The following PPM1L variants were observed in gnomAD, a reference collection of about 807,000 sequenced individuals.
PPM1L encodes protein phosphatase 1L.
In PPM1L, 13 loss-of-function variants were observed where a neutral mutation model predicts 31.4. That is an observed-to-expected ratio of 0.41 (90% CI 0.27 to 0.66). The LOEUF (loss-of-function observed/expected upper bound fraction) is 0.66. Among genes scored for constraint, PPM1L ranks in the 30% least tolerant of loss-of-function variants. The pLI is 0.29. For missense variants in PPM1L, 326 were observed against 453.7 expected (o/e 0.72, Z 2.56); for synonymous variants, 184 against 175.4 (o/e 1.05, Z -0.39).
rs554208243 is a variant in PPM1L, at chr3:160,867,413, A to G, written c.400-94323A>G. ...CTTTTTTCAGATTTTAAGGACATGTATCTAAGTGTTCATCTGGGTTCTCTA... is the reference window on the plus strand; with the variant it reads ...CTTTTTTCAGATTTTAAGGACATGTGTCTAAGTGTTCATCTGGGTTCTCTA... On this transcript the variant is annotated intron_variant, in intron 1 of 3. Transcript: ENST00000498165. Among the ~76,000 whole-genome samples, 12 of 145,672 alleles carry G rather than the reference A, an allele frequency of 8.2e-5. No individual in the cohort carries two copies. In the South Asian group the frequency reaches 1.7e-3, roughly 21 times the overall value.
chr3:161,041,641 G>T (rs142987886), intron 2 of PPM1L, among the ~76,000 whole-genome samples: 1 of 152,044 alleles, frequency 6.6e-6, no homozygotes, highest in Admixed American at 6.6e-5. Flanking sequence ...CCAGCTACTC[G>T]GGAGGCTGAG....
chr3:160,945,113 TTATCTATC>T (rs58013795), intron 1 of PPM1L, among the ~76,000 whole-genome samples: 2,392 of 56,304 alleles, frequency 0.042, 135 homozygotes, highest in African/African-American at 0.089. Flanking sequence ...AACATATATG[TTATCTATC>T]TATCTATCTA....
At chr3:160,916,916 TTTTCTGCCAGTGAC>T (rs1714206064) in intron 1 of PPM1L, among the ~76,000 whole-genome samples, 1 of 152,196 alleles carries the variant, frequency 6.6e-6, no homozygotes, top group Non-Finnish European at 1.5e-5. Flanking sequence ...ATCAAACTCT[TTTTCTGCCAGTGAC>T]TTTAATTTTT....
rs1054728623 is a variant in PPM1L at position 160,842,170 on chromosome 3, G to T, written c.399+85463G>T. The stretch of plus-strand genomic sequence containing the variant: ...GTGCGTGCATCCTGAAATAGTTGGG[G>T]AGGACTCATGCAGGAGCTGGAACTT... On this transcript the variant is annotated intron_variant, in intron 1 of 3. Coordinates refer to ENST00000498165, the MANE Select transcript of PPM1L (RefSeq NM_139245.4). The T allele has an allele frequency of 4.4e-6, 3 of 683,772 alleles. No homozygotes were observed. In the East Asian group the frequency reaches 8.1e-5, roughly 18 times the overall value. 42.4% of individuals were successfully genotyped at this position (683,772 alleles called of 1,614,324 possible). A position where few individuals can be genotyped will look rare whatever the true frequency, so the allele number is the denominator to read the frequency against.
At chr3:160,845,166 G>T (rs571239265) in intron 1 of PPM1L, among the ~76,000 whole-genome samples, 1 of 152,080 alleles carries the variant, frequency 6.6e-6, no homozygotes, top group East Asian at 1.9e-4. Context: ...ATGGACATTT[G>T]ATTGTTCCCA....
chr3:160,879,069 G>A (rs1712615551), intron 1 of PPM1L, among the ~76,000 whole-genome samples: 1 of 152,146 alleles, frequency 6.6e-6, no homozygotes, highest in Non-Finnish European at 1.5e-5. Flanking sequence ...TGCCTTTTAT[G>A]CTTTGAATGT....
At chr3:160,901,229 G>C (rs1197080225) in intron 1 of PPM1L, among the ~76,000 whole-genome samples, 2 of 151,984 alleles carry the variant, frequency 1.3e-5, no homozygotes, top group African/African-American at 4.8e-5. Context: ...CTTTATATCT[G>C]AGACTTAACA....
At chr3:160,797,210 CATT>C (rs1712273911) in intron 1 of PPM1L, among the ~76,000 whole-genome samples, 1 of 152,070 alleles carries the variant, frequency 6.6e-6, no homozygotes, top group South Asian at 2.1e-4. Context: ...CAGACTTTTT[CATT>C]ATTATTATTA....
intron 1 of PPM1L, among the ~76,000 whole-genome samples, chr3:160,832,684 A>G (rs1713559674): frequency 1.3e-5 from 2 of 152,200 alleles, no homozygotes; most frequent in South Asian, 2.1e-4. Flanking sequence ...GATTAAAACT[A>G]GATATTAGCA....
intron 1 of PPM1L, among the ~76,000 whole-genome samples, chr3:160,930,044 G>A (rs1260144560): frequency 6.6e-6 from 1 of 152,178 alleles, no homozygotes; most frequent in South Asian, 2.1e-4. Flanking sequence ...TGTGAGAAGG[G>A]GGACACTGTG....
intron 1 of PPM1L, among the ~76,000 whole-genome samples, chr3:160,935,151 G>A (rs1348807759): frequency 6.6e-6 from 1 of 152,164 alleles, no homozygotes; most frequent in Non-Finnish European, 1.5e-5. Context: ...TGGCTGAGCT[G>A]CTTGGGACCA....
At chr3:160,848,563 C>T (rs1418724023) in intron 1 of PPM1L, among the ~76,000 whole-genome samples, 1 of 152,178 alleles carries the variant, frequency 6.6e-6, no homozygotes, top group Non-Finnish European at 1.5e-5. Flanking sequence ...TTAGTGTCCG[C>T]AGGTTCTATC....
At chr3:160,976,235 T>C (rs949969859) in intron 2 of PPM1L, among the ~76,000 whole-genome samples, 96 of 145,254 alleles carry the variant, frequency 6.6e-4, no homozygotes, top group African/African-American at 2.3e-3. Context: ...CACTTGATCA[T>C]GGTGGATAAG....
intron 1 of PPM1L, among the ~76,000 whole-genome samples, chr3:160,921,455 C>G (rs1001610508): frequency 6.6e-6 from 1 of 152,258 alleles, no homozygotes; most frequent in East Asian, 1.9e-4. Flanking sequence ...CTAGTTTCTT[C>G]TTTTTTATGT....
Position 161,065,656 on chromosome 3 carries a change from A to ATG in PPM1L, c.736+93_736+94dup. On this transcript the variant is annotated intron_variant, in intron 3 of 3. Coordinates refer to ENST00000498165, the MANE Select transcript of PPM1L (RefSeq NM_139245.4). ...GAGCTCCTGGATAAAATGTCCAGTT[A>ATG]TGCAGTATTAGAGAGGCTGCTACTG... The ATG allele has an allele frequency of 3.2e-6, 4 of 1,256,980 alleles. No homozygotes were observed. In the South Asian group the frequency reaches 5.5e-5, roughly 17 times the overall value. 77.9% of individuals were successfully genotyped at this position (1,256,980 alleles called of 1,614,324 possible).
intron 1 of PPM1L, among the ~76,000 whole-genome samples, chr3:160,893,948 C>T (rs1004728589): frequency 6.6e-6 from 1 of 152,134 alleles, no homozygotes; most frequent in Non-Finnish European, 1.5e-5. Context: ...ATAGTCAACA[C>T]TTTTTTATAA....
intron 1 of PPM1L, among the ~76,000 whole-genome samples, chr3:160,956,893 G>A (rs1015687536): frequency 1.3e-5 from 2 of 152,228 alleles, no homozygotes; most frequent in Non-Finnish European, 2.9e-5. Context: ...TTTTTGCATA[G>A]TGTCAAAGTA....
intron 2 of PPM1L, among the ~76,000 whole-genome samples, chr3:160,981,802 G>A (rs542437991): frequency 1.2e-4 from 18 of 150,224 alleles, no homozygotes; most frequent in South Asian, 6.3e-4. Context: ...TCGCTCTGTC[G>A]CTCAGGCTGG....
chr3:160,779,480 G>A lies in PPM1L; in HGVS notation c.399+22773G>A, dbSNP rs141462897. Among the ~76,000 whole-genome samples, 813 of 152,096 alleles carry A rather than the reference G, an allele frequency of 5.3e-3. 4 individuals carry two copies. Among genetic ancestry groups the A allele is most frequent in the African/African-American group, 0.019 (778 of 41,468 alleles). ...AGTGGAGTGCAGTGGTTAATGATGT[G>A]GACTCCCACACCTAATTGCCTGGCT... On this transcript the variant is annotated intron_variant, in intron 1 of 3. Coordinates refer to ENST00000498165, the MANE Select transcript of PPM1L (RefSeq NM_139245.4).
Sources: allele counts gnomAD v4.1 joint callset (sites outside exome capture counted in the v4.1 genomes callset), GRCh38; gene constraint gnomAD v4.1.1; transcripts MANE v1.5; gene names NCBI Gene and HGNC (gene_info 2026-07-23, HGNC 2026-07-21).